ATRNL1: variants seen among roughly 807,000 people sequenced by gnomAD.
The protein encoded by ATRNL1 is attractin-like protein 1.
Under a neutral mutation model 182.7 loss-of-function variants are expected in ATRNL1, and 95 were observed. That is an observed-to-expected ratio of 0.52 (90% CI 0.44 to 0.62). The LOEUF is 0.62. Ranked by LOEUF, ATRNL1 falls within the 20% of genes least tolerant of loss-of-function variation. ATRNL1 has a pLI of 0.00. For synonymous variants in ATRNL1, 576 were observed against 568.3 expected (o/e 1.01, Z -0.19); for missense variants, 1,471 against 1,679.5 (o/e 0.88, Z 2.17).
At chr10:115,221,603 T>A (rs1849469154) in intron 9 of ATRNL1, among the ~76,000 whole-genome samples, 1 of 152,142 alleles carries the variant, frequency 6.6e-6, no homozygotes, top group Admixed American at 6.5e-5. Context: ...AAGACAGGCA[T>A]TTTGTGTAAT....
intron 28 of ATRNL1, among the ~76,000 whole-genome samples, chr10:115,923,189 A>C (rs1953119548): frequency 6.6e-6 from 1 of 152,204 alleles, no homozygotes. Context: ...CAACATCTTC[A>C]TGTAACCCAG....
At chr10:115,606,067 A>G (rs1270001935) in intron 26 of ATRNL1, among the ~76,000 whole-genome samples, 2 of 152,064 alleles carry the variant, frequency 1.3e-5, no homozygotes, top group Admixed American at 6.6e-5. Context: ...CTATGTATCA[A>G]AAGCCTAAGA....
At position 115,414,698 on chromosome 10, in the gene ATRNL1, TTCTG is replaced by T. The variant is rs759414303; in HGVS notation, c.3270-11548_3270-11545del. ...GTAAAGCTGTATGAGCTGTGTGTGT[TTCTG>T]TCTATGTGCGTATCTTATATTTATA... On this transcript the variant is annotated intron_variant, in intron 20 of 28. Coordinates refer to ENST00000355044, the MANE Select transcript of ATRNL1 (RefSeq NM_207303.4). Among the ~76,000 whole-genome samples the T allele has an allele frequency of 1.5e-4, 23 of 152,024 alleles. No individual in the cohort carries two copies. In the Middle Eastern group the frequency reaches 0.017, roughly 112 times the overall value.
At chr10:115,096,732 T>C in intron 1 of ATRNL1, 1 of 1,286,566 alleles carries the variant, frequency 7.8e-7, no homozygotes, top group Non-Finnish European at 1.0e-6. Flanking sequence ...GAAGCAAATA[T>C]AGTATCAAAA....
At chr10:115,427,573 T>A (rs1256173692) in intron 21 of ATRNL1, among the ~76,000 whole-genome samples, 3 of 152,174 alleles carry the variant, frequency 2.0e-5, no homozygotes, top group Admixed American at 2.0e-4. Flanking sequence ...TCTATTTAAG[T>A]ATATGGTCCA....
intron 25 of ATRNL1, among the ~76,000 whole-genome samples, chr10:115,532,649 C>T (rs1328999502): frequency 1.3e-5 from 2 of 150,550 alleles, no homozygotes; most frequent in Non-Finnish European, 3.0e-5. Context: ...CTGGCCAGAA[C>T]TTCCAACACT....
intron 26 of ATRNL1, among the ~76,000 whole-genome samples, chr10:115,591,107 A>G (rs556185383): frequency 1.3e-5 from 2 of 152,360 alleles, no homozygotes; most frequent in South Asian, 2.1e-4. Flanking sequence ...GTATACGTGT[A>G]TATATTAATA....
intron 21 of ATRNL1, among the ~76,000 whole-genome samples, chr10:115,446,954 A>G (rs966970290): frequency 1.3e-5 from 2 of 152,004 alleles, no homozygotes; most frequent in Admixed American, 6.6e-5. Flanking sequence ...TATATCATTT[A>G]AAGTGGTTCT....
chr10:115,837,466 CCACACACACACACACACA>C (rs71010052), intron 27 of ATRNL1, among the ~76,000 whole-genome samples: 35,009 of 134,962 alleles, frequency 0.26, 4,975 homozygotes, highest in Middle Eastern at 0.32. Flanking sequence ...GCTTCCCAAG[CCACACACACACACACACA>C]CACACACACA....
intron 26 of ATRNL1, among the ~76,000 whole-genome samples, chr10:115,642,572 T>A (rs1859324522): frequency 6.6e-6 from 1 of 152,032 alleles, no homozygotes; most frequent in African/African-American, 2.4e-5. Context: ...GCCTCCCTAG[T>A]AGTTGGGGTT....
chr10:115,753,670 T>C (rs1337118030), intron 27 of ATRNL1, among the ~76,000 whole-genome samples: 2 of 152,238 alleles, frequency 1.3e-5, no homozygotes, highest in Non-Finnish European at 2.9e-5. Context: ...GAATGACTTA[T>C]AATCCTTTGG....
Position 115,578,641 on chromosome 10 carries a change from C to T in ATRNL1, c.3795+29105C>T, listed in dbSNP as rs782310812. Among the ~76,000 whole-genome samples, 25 of 151,374 alleles carry T rather than the reference C, an allele frequency of 1.7e-4. 1 individual carries two copies. The highest frequency in any genetic ancestry group is 1.6e-3 in the Admixed American group (25 of 15,172). ...AATGTCATCTTCTCTCTTTCTTCTT[C>T]TAGCTAAGGGTTTATTGGTTTTGTT... On this transcript the variant is annotated intron_variant, in intron 26 of 28. Coordinates refer to ENST00000355044, the MANE Select transcript of ATRNL1 (RefSeq NM_207303.4).
At chr10:115,130,694 A>C (rs1845191820) in intron 5 of ATRNL1, among the ~76,000 whole-genome samples, 1 of 152,086 alleles carries the variant, frequency 6.6e-6, no homozygotes, top group Admixed American at 6.5e-5. Context: ...CTTCCCCCCA[A>C]AAGTGCCTTG....
In ATRNL1 at chr10:115,738,126, A is replaced by ATTTTTTTTTTTTTTTTTTTTTTTTTT. The variant is rs10546896; in HGVS notation, c.3903+10776_3903+10801dup. On this transcript the variant is annotated intron_variant, in intron 27 of 28. Transcript: ENST00000355044. ...ATAAAAAATGATTTAGAAGATAATG[A>ATTTTTTTTTTTTTTTTTTTTTTTTTT]TTTTTTTTTTTTTTTTTTTTTTTTT... 8.5e-5 allele frequency among the ~76,000 whole-genome samples: 4 copies of ATTTTTTTTTTTTTTTTTTTTTTTTTT among 47,108 alleles called. 1 individual carries two copies. The highest frequency in any genetic ancestry group is 2.0e-4 in the African/African-American group (3 of 15,228). The allele number at this position is 47,108 out of a possible 152,430, so 30.9% of individuals were successfully genotyped here. A position where few individuals can be genotyped will look rare whatever the true frequency, so the allele number is the denominator to read the frequency against.
intron 19 of ATRNL1, among the ~76,000 whole-genome samples, chr10:115,347,907 GA>G (rs1242868815): frequency 6.6e-6 from 1 of 152,086 alleles, no homozygotes; most frequent in Non-Finnish European, 1.5e-5. Context: ...TTGGGCTTTG[GA>G]ATCATACCAC....
chr10:115,579,384 A>G (rs553796426), intron 26 of ATRNL1, among the ~76,000 whole-genome samples: 1 of 151,932 alleles, frequency 6.6e-6, no homozygotes, highest in Admixed American at 6.6e-5. Context: ...ATGCATATAT[A>G]TGTATAATTA....
At chr10:115,376,930 G>A (rs1313130328) in intron 19 of ATRNL1, among the ~76,000 whole-genome samples, 2 of 151,836 alleles carry the variant, frequency 1.3e-5, no homozygotes, top group African/African-American at 4.8e-5. Flanking sequence ...TTTCTAACTG[G>A]TTAATTTCAA....
chr10:115,316,147 C>T (rs932513059), intron 18 of ATRNL1, among the ~76,000 whole-genome samples: 2 of 152,124 alleles, frequency 1.3e-5, no homozygotes, highest in Non-Finnish European at 2.9e-5. Flanking sequence ...CATGTTGTTC[C>T]CCTCCCTGTG....
chr10:115,216,631 G>A (rs1592273115), intron 9 of ATRNL1, among the ~76,000 whole-genome samples: 1 of 151,684 alleles, frequency 6.6e-6, no homozygotes, highest in African/African-American at 2.4e-5. Flanking sequence ...GGTTATAGAA[G>A]TTTTAAAATA....
Sources: gnomAD v4.1 joint callset for allele counts (sites outside exome capture counted in the v4.1 genomes callset) on GRCh38, gnomAD v4.1.1 for gene constraint, MANE v1.5 for transcripts, NCBI Gene and HGNC (gene_info 2026-07-23, HGNC 2026-07-21) for gene names.